BLTP1: variants seen among roughly 807,000 people sequenced by gnomAD.
BLTP1 encodes the protein bridge-like lipid transfer protein family member 1.
At chr4:122,278,726 G>A in the BLTP1 span, among the ~76,000 whole-genome samples, 1 of 152,142 alleles carries the variant, frequency 6.6e-6, no homozygotes, top group Non-Finnish European at 1.5e-5. Context: ...CCGTCTCCTG[G>A]GTTCACGCAA....
chr4:122,289,082 G>A, the BLTP1 span: 2 of 1,605,194 alleles, frequency 1.2e-6, no homozygotes, highest in Admixed American at 3.4e-5. Context: ...GATTTTGTCT[G>A]GCAGGTTGGT....
At chr4:122,238,086 G>A in the BLTP1 span, 2 of 1,612,332 alleles carry the variant, frequency 1.2e-6, no homozygotes, top group South Asian at 1.1e-5. Flanking sequence ...CCTTTTGTTT[G>A]TTTAGGTAAT....
the BLTP1 span, among the ~76,000 whole-genome samples, chr4:122,353,511 G>C: frequency 2.0e-5 from 3 of 152,158 alleles, no homozygotes. The surrounding 1 kb of genome is among the most constrained non-coding windows in gnomAD (Gnocchi z 4.3). Context: ...AGGCAAGGCT[G>C]TGCTTTTATC....
chr4:122,250,773 A>G, the BLTP1 span, among the ~76,000 whole-genome samples: 1 of 152,178 alleles, frequency 6.6e-6, no homozygotes, highest in African/African-American at 2.4e-5. Context: ...TATCATAGAT[A>G]TATTTATATC....
the BLTP1 span, among the ~76,000 whole-genome samples, chr4:122,252,188 C>T: frequency 1.3e-5 from 2 of 152,174 alleles, no homozygotes; most frequent in African/African-American, 2.4e-5. Context: ...TGACCCTCTA[C>T]GATGTGCTGG....
chr4:122,313,615 GA>G, the BLTP1 span: 1 of 1,566,050 alleles, frequency 6.4e-7, no homozygotes, highest in Non-Finnish European at 8.7e-7. Context: ...TTTTTGGGGT[GA>G]TTTTTGTACA....
chr4:122,214,236 C>T, the BLTP1 span: 2 of 968,626 alleles, frequency 2.1e-6, no homozygotes, highest in Non-Finnish European at 2.5e-6. Context: ...ATTGCAGTCT[C>T]TTACTTGAAG....
the BLTP1 span, among the ~76,000 whole-genome samples, chr4:122,253,023 C>T: frequency 6.6e-6 from 1 of 152,202 alleles, no homozygotes; most frequent in Non-Finnish European, 1.5e-5. Flanking sequence ...TCCAGAGAAT[C>T]TTCTGGATCT....
the BLTP1 span, among the ~76,000 whole-genome samples, chr4:122,283,100 G>C: frequency 6.6e-6 from 1 of 151,916 alleles, no homozygotes; most frequent in Non-Finnish European, 1.5e-5. Flanking sequence ...GTATTTTTAT[G>C]TCCTGAAGAA....
the BLTP1 span, chr4:122,152,403 A>C: frequency 1.0e-6 from 1 of 985,238 alleles, no homozygotes; most frequent in Non-Finnish European, 1.2e-6. Flanking sequence ...GGCTGCGGCC[A>C]GGGTCTGGAC....
chr4:122,175,010 G>A, the BLTP1 span: 3 of 929,408 alleles, frequency 3.2e-6, no homozygotes, highest in African/African-American at 1.8e-5. Context: ...CCTTATTAGA[G>A]ATAATAAGTT....
chr4:122,362,187 G>A, the BLTP1 span: 8 of 1,613,320 alleles, frequency 5.0e-6, no homozygotes, highest in African/African-American at 1.1e-4. Context: ...TTATCAAAAA[G>A]CTCGGTACTG....
the BLTP1 span, among the ~76,000 whole-genome samples, chr4:122,228,209 G>A: frequency 7.6e-4 from 115 of 152,090 alleles, no homozygotes; most frequent in Middle Eastern, 6.8e-3. Flanking sequence ...CACTGTGCCC[G>A]GCTCTTAAAT....
chr4:122,234,726 AT>A, the BLTP1 span: 14 of 1,532,034 alleles, frequency 9.1e-6, no homozygotes, highest in Admixed American at 9.0e-5. Flanking sequence ...TTTCTTAATG[AT>A]TTTTTTTATG....
At chr4:122,344,783 G>A in the BLTP1 span, 1 of 983,316 alleles carries the variant, frequency 1.0e-6, no homozygotes, top group Non-Finnish European at 1.2e-6. Flanking sequence ...CAAGGGCCAA[G>A]TATGCCTAAT....
chr4:122,167,606 TC>T, the BLTP1 span: 1 of 955,862 alleles, frequency 1.0e-6, no homozygotes, highest in South Asian at 4.8e-5. Flanking sequence ...CCACTCAGGC[TC>T]CAGCATCCTG....
chr4:122,247,775 ACAG>A, the BLTP1 span: 1 of 1,001,858 alleles, frequency 1.0e-6, no homozygotes. Flanking sequence ...TCTGTAAAAT[ACAG>A]CAGCAATAAG....
chr4:122,306,755 G>T, the BLTP1 span: 1 of 824,686 alleles, frequency 1.2e-6, no homozygotes, highest in East Asian at 1.2e-4. Context: ...TGGGAAAGAA[G>T]GCTGAACAGG....
chr4:122,350,213 G>GT, the BLTP1 span: 4 of 1,432,934 alleles, frequency 2.8e-6, no homozygotes, highest in Admixed American at 5.8e-5. Context: ...GTTAGCAAAG[G>GT]ACCAGAATTT....
Sources: gnomAD v4.1 joint callset for allele counts (sites outside exome capture counted in the v4.1 genomes callset) on GRCh38, gnomAD v4.1.1 for gene constraint, Gnocchi (gnomAD v3.1) non-coding constraint, MANE v1.5 for transcripts, NCBI Gene and HGNC (gene_info 2026-07-23, HGNC 2026-07-21) for gene names.